Variants in ENPP4 observed in about 807,000 individuals in gnomAD.
ENPP4 encodes bis(5'-adenosyl)-triphosphatase ENPP4.
Under a neutral mutation model 33.4 loss-of-function variants are expected in ENPP4, and 18 were observed. That is an observed-to-expected ratio of 0.54 (90% confidence interval 0.37 to 0.80). The LOEUF is 0.80. ENPP4 is among the 30% of genes least tolerant of loss of function. ENPP4 has a pLI of 0.00. For synonymous variants in ENPP4, 172 were observed against 189.9 expected (o/e 0.91, Z 0.78); for missense variants, 480 against 541.7 (o/e 0.89, Z 1.13).
chr6:46,134,491 G>T (rs1203863534), intron 1 of ENPP4, among the ~76,000 whole-genome samples: 1 of 152,146 alleles, frequency 6.6e-6, no homozygotes, highest in East Asian at 1.9e-4. Flanking sequence ...TTTGATTTGT[G>T]TTTTGTGGGA....
rs752103906 is a variant in ENPP4, at chr6:46,141,151, A to G, written c.926A>G (p.Asp309Gly). ...IPNRFYYQHN[D>G]RIQPIILVAD... is the part of the protein sequence containing the mutation. ...AACAGATTTTATTACCAACATAATG[A>G]TCGAATTCAGCCCATTATTTTGGTT... is the stretch of plus-strand genomic sequence containing the variant. Residue 309 changes from aspartate (D) to glycine (G), a missense_variant, in exon 3 of 4, where the codon GAT (aspartate) becomes GGT (glycine). Coordinates refer to ENST00000321037, the MANE Select transcript of ENPP4 (RefSeq NM_014936.5). 1 of 1,608,824 alleles carries G rather than the reference A, an allele frequency of 6.2e-7. No homozygotes were observed. The highest frequency in any genetic ancestry group is 8.5e-7 in the Non-Finnish European group (1 of 1,176,162).
At chr6:46,138,270 T>C (rs989116240) in intron 1 of ENPP4, among the ~76,000 whole-genome samples, 21 of 152,022 alleles carry the variant, frequency 1.4e-4, no homozygotes, top group African/African-American at 4.1e-4. Flanking sequence ...CAATTTCAGC[T>C]GCTCTTTAGT....
chr6:46,138,930 C>T (rs1261500502), intron 1 of ENPP4, among the ~76,000 whole-genome samples: 1 of 151,846 alleles, frequency 6.6e-6, no homozygotes, highest in Admixed American at 6.6e-5. Flanking sequence ...GTTACTGGAG[C>T]ATCCATGTCC....
intron 1 of ENPP4, among the ~76,000 whole-genome samples, chr6:46,130,673 A>G (rs182715195): frequency 1.7e-4 from 26 of 152,374 alleles, no homozygotes; most frequent in African/African-American, 6.0e-4. Flanking sequence ...CAACCAAACA[A>G]TAAAAGGTAC....
intron 1 of ENPP4, among the ~76,000 whole-genome samples, chr6:46,131,561 T>G (rs1763900266): frequency 6.6e-6 from 1 of 152,222 alleles, no homozygotes; most frequent in African/African-American, 2.4e-5. Flanking sequence ...CTATCATTGT[T>G]GGACATTTGG....
chr6:46,143,326 G>C lies in ENPP4; in HGVS notation c.1048G>C (p.Ala350Pro). The change falls in exon 4 of 4, where the codon GCT becomes CCT. Residue 350 changes from alanine (A) to proline (P), a missense_variant. By Grantham distance (27) the Ala-to-Pro change is conservative. Around this residue, in one of 3 missense-constraint regions of ENPP4, gnomAD observed 249 missense variants for 251.8 expected, o/e 0.99. Coordinates refer to ENST00000321037, the MANE Select transcript of ENPP4 (RefSeq NM_014936.5). ...NSLPSMHPFLAAHGPAFHKGY... is the reference protein window; with the variant it reads ...NSLPSMHPFLPAHGPAFHKGY... The stretch of plus-strand genomic sequence containing the variant: ...TTTGCCTAGTATGCATCCATTTCTA[G>C]CTGCCCACGGACCTGCATTTCACAA... 1 of 1,607,616 alleles carries C rather than the reference G, an allele frequency of 6.2e-7. No homozygotes were observed. The highest frequency in any genetic ancestry group is 8.5e-7 in the Non-Finnish European group (1 of 1,175,124).
chr6:46,143,234 A>G, intron 3 of ENPP4, 42 bp from the exon 4 acceptor site: 2 of 1,512,970 alleles, frequency 1.3e-6, no homozygotes, highest in Non-Finnish European at 1.8e-6. Flanking sequence ...TTGTCCTAAA[A>G]AGTCTGATCT....
chr6:46,133,078 C>T (rs1763925860), intron 1 of ENPP4, among the ~76,000 whole-genome samples: 1 of 152,110 alleles, frequency 6.6e-6, no homozygotes, highest in Admixed American at 6.5e-5. Flanking sequence ...TCTAGATATA[C>T]AATCATGTCG....
At chr6:46,133,433 G>A (rs755084035) in intron 1 of ENPP4, among the ~76,000 whole-genome samples, 2 of 152,098 alleles carry the variant, frequency 1.3e-5, no homozygotes, top group Admixed American at 6.5e-5. Context: ...AGAGCAGATG[G>A]CGTGCTAATA....
intron 1 of ENPP4, among the ~76,000 whole-genome samples, chr6:46,137,963 A>G (rs1763999466): frequency 6.6e-6 from 1 of 151,762 alleles, no homozygotes; most frequent in Non-Finnish European, 1.5e-5. Flanking sequence ...TTTCCAGTCT[A>G]CTTGAGAGAA....
rs748776505 is a variant in ENPP4 at position 46,143,585 on chromosome 6, G to A, written c.1307G>A (p.Arg436His). ...IIMQNRLSVP[R>H]PFSRLQLQED... ...ATGCAGAATAGACTTTCTGTACCTC[G>A]TCCATTTTCTCGACTTCAGCTACAA... Residue 436 changes from arginine (R) to histidine (H), a missense_variant, in exon 4 of 4, where the codon CGT becomes CAT. Arg to His is a conservative substitution (Grantham distance 29). Coordinates refer to ENST00000321037, the MANE Select transcript of ENPP4 (RefSeq NM_014936.5). 108 of 1,612,000 alleles carry A rather than the reference G, an allele frequency of 6.7e-5. 1 individual carries two copies. The highest frequency in any genetic ancestry group is 3.3e-4 in the Middle Eastern group (2 of 6,070).
Position 46,140,429 on chromosome 6 carries a change from A to C in ENPP4, c.826+20A>C, listed in dbSNP as rs1231556400. The C allele has an allele frequency of 3.7e-6, 5 of 1,364,582 alleles. No individual in the cohort carries two copies. The highest frequency in any genetic ancestry group is 5.0e-6 in the Non-Finnish European group (5 of 992,864). 84.5% of individuals were successfully genotyped at this position (1,364,582 alleles called of 1,614,324 possible). ...AAATAAGTAAGTAAACATTCAACTG[A>C]GGGATACTATTATTCGAATGGGGCA... On this transcript the variant is annotated intron_variant, in intron 2 of 3. Transcript: ENST00000321037.
At chr6:46,134,283 C>T (rs1464685761) in intron 1 of ENPP4, among the ~76,000 whole-genome samples, 5 of 152,108 alleles carry the variant, frequency 3.3e-5, no homozygotes, top group Admixed American at 3.3e-4. Flanking sequence ...GATCACCCAT[C>T]TACTAATTGT....
chr6:46,130,713 A>G (rs1277767285), intron 1 of ENPP4, among the ~76,000 whole-genome samples: 1 of 152,276 alleles, frequency 6.6e-6, no homozygotes, highest in Non-Finnish European at 1.5e-5. Flanking sequence ...GGGCTGGATT[A>G]AAAGCACGTA....
At chr6:46,132,109 G>A (rs955936469) in intron 1 of ENPP4, among the ~76,000 whole-genome samples, 33 of 152,202 alleles carry the variant, frequency 2.2e-4, no homozygotes, top group African/African-American at 7.2e-4. Flanking sequence ...TAGGTTGCCT[G>A]TTCACTCTGA....
chr6:46,143,078 G>A (rs1203764101), intron 3 of ENPP4, among the ~76,000 whole-genome samples, 198 bp from the exon 4 acceptor site: 1 of 142,348 alleles, frequency 7.0e-6, no homozygotes, highest in African/African-American at 2.6e-5. Flanking sequence ...TTGGGAAAAG[G>A]GGCATATGTG....
chr6:46,140,447 A>C, intron 2 of ENPP4, 38 bp downstream of exon 2: 10 of 1,186,018 alleles, frequency 8.4e-6, no homozygotes, highest in Non-Finnish European at 1.1e-5. Flanking sequence ...TATTATTCGA[A>C]TGGGGCAATT....
rs370794447 is a variant in ENPP4 at position 46,140,371 on chromosome 6, T to A, written c.788T>A (p.Ile263Lys). 1 of 1,596,990 alleles carries A rather than the reference T, an allele frequency of 6.3e-7. No individual in the cohort carries two copies. Among genetic ancestry groups the A allele is most frequent in the Non-Finnish European group, 8.5e-7 (1 of 1,174,132 alleles). The change falls in exon 2 of 4, where the codon ATA (isoleucine) becomes AAA (lysine). Residue 263 changes from isoleucine to lysine, a missense_variant. Physicochemically the swap from Ile to Lys is moderately radical, Grantham distance 102 (BLOSUM62 -3). This residue lies in a region of ENPP4 where 249 missense variants were observed against 251.8 expected (regional missense o/e 0.99). Transcript: ENST00000321037. ...ATCGATCATTCATACTACACTCTTA[T>A]AGATTTGAGCCCAGTTGCTGCAATA... Reference protein sequence around the residue: ...SCIDHSYYTLIDLSPVAAILP... With the variant: ...SCIDHSYYTLKDLSPVAAILP...
rs113589296 is a variant in ENPP4 at position 46,143,799 on chromosome 6, C to T, written c.*159C>T. 17 of 733,742 alleles carry T rather than the reference C, an allele frequency of 2.3e-5. No individual in the cohort carries two copies. The highest frequency in any genetic ancestry group is 2.0e-4 in the South Asian group (9 of 46,090). 45.5% of individuals were successfully genotyped at this position (733,742 alleles called of 1,614,324 possible). The stretch of plus-strand genomic sequence containing the variant: ...ACTTTGTTTTCCTTGTGTTTTGTTT[C>T]GGTGCATTTGCTAATAAGATAACGC... On this transcript the variant is annotated 3_prime_UTR_variant, in exon 4 of 4. Transcript: ENST00000321037.
Sources: gnomAD v4.1 joint callset for allele counts (sites outside exome capture counted in the v4.1 genomes callset) on GRCh38, gnomAD v4.1.1 for gene constraint, gnomAD v4.1.1 regional missense constraint, MANE v1.5 for transcripts, NCBI Gene and HGNC (gene_info 2026-07-23, HGNC 2026-07-21) for gene names.